The following NDUFA10 variants were observed in gnomAD, a reference collection of about 807,000 sequenced individuals.
NDUFA10 encodes the protein NADH:ubiquinone oxidoreductase subunit A10.
Under a neutral mutation model 47.8 loss-of-function variants are expected in NDUFA10, and 40 were observed. That is an observed-to-expected ratio of 0.84 (90% CI 0.65 to 1.09). The LOEUF (loss-of-function observed/expected upper bound fraction) is 1.09, where lower values mean the gene tolerates loss of function less well. Among genes scored for constraint, NDUFA10 ranks in the 50% least tolerant of loss-of-function variants. The pLI is 0.00. For synonymous variants in NDUFA10, 183 were observed against 172.2 expected, an observed-to-expected ratio of 1.06 and a Z score of -0.49; for missense variants, 413 against 451.1, an observed-to-expected ratio of 0.92 and a Z score of 0.76.
intron 9 of NDUFA10, among the ~76,000 whole-genome samples, chr2:239,964,291 T>C (rs1375573528): frequency 6.6e-6 from 1 of 151,800 alleles, no homozygotes; most frequent in Non-Finnish European, 1.5e-5. Context: ...GATGTGACAA[T>C]GGAAGCAACA....
At chr2:239,894,667 T>C (rs754569915) in intron 5 of NDUFA10, among the ~76,000 whole-genome samples, 28 of 152,110 alleles carry the variant, frequency 1.8e-4, no homozygotes, top group Non-Finnish European at 2.6e-4. Flanking sequence ...CTACTGCCAA[T>C]GCCCCCTCCT....
At chr2:239,972,031 G>A (rs75362814) in intron 9 of NDUFA10, among the ~76,000 whole-genome samples, 1,602 of 152,052 alleles carry the variant, frequency 0.011, 21 homozygotes, top group African/African-American at 0.037. Flanking sequence ...AGGTCCTTTC[G>A]TATGTAACTC....
In NDUFA10 at chr2:239,899,195, A is replaced by G. The variant is rs371169304; in HGVS notation, c.295-3881T>C. On this transcript the variant is annotated intron_variant, in intron 4 of 5. Transcript: ENST00000419408. ...GTGTAAAGGAGGGGTGTGATGGAGG[A>G]GTGTGATGGAGGGGTGTGGAGGGGT... Among the ~76,000 whole-genome samples the G allele has an allele frequency of 4.9e-3, 15 of 3,054 alleles. 2 individuals are homozygous for G. The highest frequency in any genetic ancestry group is 8.4e-3 in the African/African-American group (6 of 712). 2.0% of individuals were successfully genotyped at this position (3,054 alleles called of 152,430 possible). A position where few individuals can be genotyped will look rare whatever the true frequency, so the allele number is the denominator to read the frequency against.
chr2:239,974,176 G>A (rs148952664), intron 9 of NDUFA10, among the ~76,000 whole-genome samples: 266 of 152,236 alleles, frequency 1.7e-3, no homozygotes, highest in African/African-American at 6.0e-3. Context: ...TCATCCGCCC[G>A]CCTCAACCTC....
chr2:239,956,163 CTG>C (rs1694648045), downstream of NDUFA10, among the ~76,000 whole-genome samples: 1 of 152,228 alleles, frequency 6.6e-6, no homozygotes. Context: ...TGCAACCCAT[CTG>C]TCAGGAACAA....
chr2:239,949,050 C>T (rs1247439354), intron 4 of NDUFA10, among the ~76,000 whole-genome samples: 1 of 152,216 alleles, frequency 6.6e-6, no homozygotes, highest in Non-Finnish European at 1.5e-5. Context: ...TTTCTCATTG[C>T]TTTAACCCCA....
chr2:239,996,856 G>A (rs1459104038), intron 8 of NDUFA10, among the ~76,000 whole-genome samples: 2 of 148,456 alleles, frequency 1.3e-5, no homozygotes, highest in African/African-American at 2.5e-5. Context: ...TATTTTATGT[G>A]TGGTCCAAGA....
In NDUFA10 at chr2:239,928,592, T is replaced by C. The variant is rs903329199; in HGVS notation, c.295-33278A>G. 6.6e-6 allele frequency among the ~76,000 whole-genome samples: 1 copy of C among 152,148 alleles called. No individual in the cohort carries two copies. On this transcript the variant is annotated intron_variant, in intron 4 of 5. Coordinates refer to the NDUFA10 transcript ENST00000419408. This position sits in a 1 kb window ranked among gnomAD's most constrained non-coding sequence, Gnocchi z 4.3. Reference sequence around the variant, plus strand: ...GTGACAGCGACATCTCGTTTCCAACTATGCTCTCCCCACAGGTGACCTCAT... The same window carrying C: ...GTGACAGCGACATCTCGTTTCCAACCATGCTCTCCCCACAGGTGACCTCAT...
At chr2:239,915,723 A>G (rs1237979887) in intron 4 of NDUFA10, among the ~76,000 whole-genome samples, 1 of 147,776 alleles carries the variant, frequency 6.8e-6, no homozygotes, top group East Asian at 1.9e-4. Flanking sequence ...ACACAAATAT[A>G]CAGAGACACA....
chr2:239,920,762 T>G (rs1559282682), intron 4 of NDUFA10, among the ~76,000 whole-genome samples: 1 of 152,192 alleles, frequency 6.6e-6, no homozygotes. Flanking sequence ...TTTCTTGCTT[T>G]TTCTGCAGAA....
Position 239,906,208 on chromosome 2 carries a change from T to C in NDUFA10, c.295-10894A>G, listed in dbSNP as rs964055186. On this transcript the variant is annotated intron_variant, in intron 4 of 5. Transcript: ENST00000419408. This position sits in a 1 kb window ranked among gnomAD's most constrained non-coding sequence, Gnocchi z 4.3. ...TAACAAGAACCCCCGGCCCTCCAGG[T>C]GGTTGGAAATATTACCCGGAAGGAA... 3.9e-5 allele frequency among the ~76,000 whole-genome samples: 6 copies of C among 152,072 alleles called. No homozygotes were observed. Among genetic ancestry groups the C allele is most frequent in the African/African-American group, 1.4e-4 (6 of 41,406 alleles).
At chr2:239,977,025 C>T (rs74384165) in intron 9 of NDUFA10, among the ~76,000 whole-genome samples, 13,420 of 152,134 alleles carry the variant, frequency 0.088, 693 homozygotes, top group Admixed American at 0.14. Flanking sequence ...CTCCCAGACT[C>T]AGGTCTTGGT....
At chr2:239,911,475 G>C (rs1156806338) in intron 4 of NDUFA10, among the ~76,000 whole-genome samples, 2 of 152,128 alleles carry the variant, frequency 1.3e-5, no homozygotes, top group Non-Finnish European at 2.9e-5. Flanking sequence ...AGTTGCCTGA[G>C]AGGTACATCC....
chr2:239,911,630 C>T (rs1208771248), intron 4 of NDUFA10, among the ~76,000 whole-genome samples: 1 of 151,912 alleles, frequency 6.6e-6, no homozygotes, highest in Non-Finnish European at 1.5e-5. Context: ...CCCAAAAACA[C>T]TTACAAAGCC....
chr2:239,959,532 T>C lies in NDUFA10; in HGVS notation c.*1586A>G, dbSNP rs1483288404. The C allele has an allele frequency of 6.1e-6, 6 of 985,516 alleles. No homozygotes were observed. Among genetic ancestry groups the C allele is most frequent in the Non-Finnish European group, 4.8e-6 (4 of 829,956 alleles). 61.0% of individuals were successfully genotyped at this position (985,516 alleles called of 1,614,324 possible). On this transcript the variant is annotated 3_prime_UTR_variant, in exon 10 of 10. Transcript: ENST00000252711. Reference sequence around the variant, plus strand: ...TCATTTCATGATTAAAGCTGTTGGTTTCCTAGTGAAATGCAAAACTTCAGC... The same window carrying C: ...TCATTTCATGATTAAAGCTGTTGGTCTCCTAGTGAAATGCAAAACTTCAGC...
At chr2:239,899,764 C>G (rs1438251832) in intron 4 of NDUFA10, among the ~76,000 whole-genome samples, 1 of 151,900 alleles carries the variant, frequency 6.6e-6, no homozygotes, top group African/African-American at 2.4e-5. Context: ...TGGACAATGT[C>G]CAGCCCAGAT....
intron 9 of NDUFA10, among the ~76,000 whole-genome samples, chr2:239,984,588 G>C (rs993296180): frequency 1.3e-5 from 2 of 152,186 alleles, no homozygotes; most frequent in Non-Finnish European, 2.9e-5. Context: ...AAAACACAGT[G>C]ATTGAAAAAC....
chr2:240,004,258 G>A (rs1002909470), intron 8 of NDUFA10, among the ~76,000 whole-genome samples: 9 of 152,270 alleles, frequency 5.9e-5, no homozygotes, highest in Middle Eastern at 6.8e-3. Flanking sequence ...ATCTGGAATG[G>A]CGAGGCCGTC....
chr2:239,910,820 TA>T (rs1693739879), intron 4 of NDUFA10, among the ~76,000 whole-genome samples: 1 of 151,992 alleles, frequency 6.6e-6, no homozygotes, highest in Admixed American at 6.5e-5. Flanking sequence ...AGCAATCACT[TA>T]AGCCACCTTG....
Sources: allele counts gnomAD v4.1 joint callset (sites outside exome capture counted in the v4.1 genomes callset), GRCh38; gene constraint gnomAD v4.1.1; non-coding constraint Gnocchi (gnomAD v3.1); transcripts MANE v1.5; gene names NCBI Gene and HGNC (gene_info 2026-07-23, HGNC 2026-07-21).